ERBB2: variants seen among roughly 807,000 people sequenced by gnomAD.
ERBB2 encodes the protein receptor tyrosine-protein kinase erbB-2.
ERBB2 carries 61 observed loss-of-function variants against 149.0 expected under a neutral mutation model. The observed-to-expected ratio is 0.41, with a 90% CI of 0.33 to 0.51. ERBB2 has a LOEUF of 0.51. Among genes scored for constraint, ERBB2 ranks in the 20% least tolerant of loss-of-function variants. ERBB2 has a pLI of 0.25. For missense variants in ERBB2, 1,205 were observed against 1,655.1 expected, an observed-to-expected ratio of 0.73 and a Z score of 4.72; for synonymous variants, 633 against 678.8, an observed-to-expected ratio of 0.93 and a Z score of 1.05.
Position 39,709,462 on chromosome 17 carries a change from G to T in ERBB2, c.574+10G>T. ...AACCGCTCTCGGGCCTGTAAGCCATGCCCCTCCCTGCTGCCTCTTCTCTCA... is the reference window on the plus strand; with the variant it reads ...AACCGCTCTCGGGCCTGTAAGCCATTCCCCTCCCTGCTGCCTCTTCTCTCA... On this transcript the variant is annotated intron_variant, in intron 4 of 26. Coordinates refer to ENST00000269571, the MANE Select transcript of ERBB2 (RefSeq NM_004448.4). The T allele has an allele frequency of 6.2e-7, 1 of 1,613,862 alleles. No homozygotes were observed. The highest frequency in any genetic ancestry group is 8.5e-7 in the Non-Finnish European group (1 of 1,179,944).
Position 39,723,344 on chromosome 17 carries a change from G to A in ERBB2, c.1972G>A (p.Val658Met), listed in dbSNP as rs2059553044. The A allele has an allele frequency of 6.2e-7, 1 of 1,614,144 alleles. No homozygotes were observed. Among genetic ancestry groups the A allele is most frequent in the Non-Finnish European group, 8.5e-7 (1 of 1,180,032 alleles). The change falls in exon 17 of 27, where the codon GTG (valine) becomes ATG (methionine). Residue 658 changes from valine (V) to methionine (M), a missense_variant. Val to Met is a conservative substitution (Grantham distance 21). Around this residue, in one of 6 missense-constraint regions of ERBB2, gnomAD observed 569 missense variants for 803.5 expected, o/e 0.71. Coordinates refer to ENST00000269571, the MANE Select transcript of ERBB2 (RefSeq NM_004448.4). The surrounding 1 kb of genome is among the most constrained non-coding windows in gnomAD (Gnocchi z 6.2). ...CCCTCTGACGTCCATCATCTCTGCG[G>A]TGGTTGGCATTCTGCTGGTCGTGGT... The part of the protein sequence containing the change: ...ASPLTSIISA[V>M]VGILLVVVLG...
chr17:39,723,292 A>G lies in ERBB2; in HGVS notation c.1947-27A>G. ...CCCTCCCACCCCAAACTAGCCCTCA[A>G]TCCCTGACCCTGGCTTCCGCCCCCA... On this transcript the variant is annotated intron_variant, in intron 16 of 26. Coordinates refer to ENST00000269571, the MANE Select transcript of ERBB2 (RefSeq NM_004448.4). The surrounding 1 kb of genome is among the most constrained non-coding windows in gnomAD (Gnocchi z 6.2). 2.5e-6 allele frequency: 4 copies of G among 1,611,886 alleles called. No individual in the cohort carries two copies. Among genetic ancestry groups the G allele is most frequent in the East Asian group, 2.2e-5 (1 of 44,808 alleles).
rs113330978 is a variant in ERBB2 at position 39,710,338 on chromosome 17, A to C, written c.760-2A>C. 1 of 1,614,074 alleles carries C rather than the reference A, an allele frequency of 6.2e-7. No homozygotes were observed. Among genetic ancestry groups the C allele is most frequent in the Non-Finnish European group, 8.5e-7 (1 of 1,180,008 alleles). ...GTGAAAGCCAGCCACCTGTCCCCCC[A>C]GGCCTGCCTCCACTTCAACCACAGT... On this transcript the variant is annotated splice_acceptor_variant, in intron 6 of 26. Transcript: ENST00000269571. LOFTEE classifies it high-confidence loss of function.
At chr17:39,714,088 C>G (rs2058975827) in intron 9 of ERBB2, among the ~76,000 whole-genome samples, 1 of 150,202 alleles carries the variant, frequency 6.7e-6, no homozygotes, top group Admixed American at 6.6e-5. Context: ...AATTCCCTTT[C>G]ACACTTCCTT....
At chr17:39,710,301 C>G (rs1276037451) in intron 6 of ERBB2, 39 bp from the exon 7 acceptor site, 1 of 1,613,614 alleles carries the variant, frequency 6.2e-7, no homozygotes, top group Admixed American at 1.7e-5. Context: ...CACACCAGGG[C>G]AAAACAGCAC....
intron 1 of ERBB2, among the ~76,000 whole-genome samples, chr17:39,700,799 T>C (rs1043316935): frequency 1.3e-5 from 2 of 152,048 alleles, no homozygotes; most frequent in African/African-American, 2.4e-5. Context: ...GTTTGGTTGC[T>C]CCTGCTTCTG....
chr17:39,719,828 G>A lies in ERBB2; in HGVS notation c.1940G>A (p.Arg647Lys), dbSNP rs201784472. Residue 647 changes from arginine (R) to lysine (K), a missense_variant, in exon 16 of 27, where the codon AGA (arginine) becomes AAA (lysine). Around this residue, in one of 6 missense-constraint regions of ERBB2, gnomAD observed 569 missense variants for 803.5 expected, o/e 0.71. Transcript: ENST00000269571. ...GACAAGGGCTGCCCCGCCGAGCAGA[G>A]AGCCAGGTTGGCCTGGACCCCAGGA... is the stretch of plus-strand genomic sequence containing the variant. ...LDDKGCPAEQ[R>K]ASPLTSIISA... 5.0e-6 allele frequency: 8 copies of A among 1,614,176 alleles called. No individual in the cohort carries two copies. The Admixed American group carries it at 5.0e-5, about 10-fold the overall frequency.
upstream of ERBB2, among the ~76,000 whole-genome samples, chr17:39,694,226 AATATATATATATAT>A (rs1417710622): frequency 5.4e-3 from 100 of 18,504 alleles, no homozygotes; most frequent in African/African-American, 0.013. Flanking sequence ...AAAAAAAAAA[AATATATATATATAT>A]ATATATATAT....
In ERBB2 at chr17:39,700,269, C is replaced by T. The variant is rs1456994901; in HGVS notation, c.31C>T (p.Leu11Phe). 1 of 1,438,384 alleles carries T rather than the reference C, an allele frequency of 7.0e-7. No homozygotes were observed. Among genetic ancestry groups the T allele is most frequent in the South Asian group, 1.4e-5 (1 of 70,906 alleles). 89.1% of individuals were successfully genotyped at this position (1,438,384 alleles called of 1,614,324 possible). A position where few individuals can be genotyped will look rare whatever the true frequency, so the allele number is the denominator to read the frequency against. ...GCTGGCGGCCTTGTGCCGCTGGGGG[C>T]TCCTCCTCGCCCTCTTGCCCCCCGG... MELAALCRWG[L>F]LLALLPPGAA... Residue 11 changes from leucine to phenylalanine, a missense_variant, in exon 1 of 27, where the codon CTC becomes TTC. This residue lies in a region of ERBB2 where 101 missense variants were observed against 95.1 expected (regional missense o/e 1.06). Coordinates refer to ENST00000269571, the MANE Select transcript of ERBB2 (RefSeq NM_004448.4).
chr17:39,727,065 G>C lies in ERBB2; in HGVS notation c.3159+62G>C, dbSNP rs2143201473. On this transcript the variant is annotated intron_variant, in intron 25 of 26. Coordinates refer to ENST00000269571, the MANE Select transcript of ERBB2 (RefSeq NM_004448.4). The surrounding 1 kb of genome is among the most constrained non-coding windows in gnomAD (Gnocchi z 4.3). ...TACCTCCCCCAACCCCGGTGGACTA[G>C]GGTCCCTTTCTCTGATGTTCCCTCA... is the stretch of plus-strand genomic sequence containing the variant. 6.9e-7 allele frequency: 1 copy of C among 1,446,554 alleles called. No homozygotes were observed. Among genetic ancestry groups the C allele is most frequent in the Non-Finnish European group, 9.3e-7 (1 of 1,073,446 alleles). 89.6% of individuals were successfully genotyped at this position (1,446,554 alleles called of 1,614,324 possible).
upstream of ERBB2, chr17:39,696,674 T>C (rs1200748514): frequency 6.6e-6 from 1 of 152,148 alleles, no homozygotes; most frequent in Non-Finnish European, 1.5e-5. Flanking sequence ...TTCTGCAAAA[T>C]GGGGAATGAT....
chr17:39,696,038 C>T (rs976729979), upstream of ERBB2, among the ~76,000 whole-genome samples: 3 of 152,170 alleles, frequency 2.0e-5, no homozygotes, highest in African/African-American at 7.2e-5. Context: ...CCCCTCTCAC[C>T]AGCACCCCTT....
intron 1 of ERBB2, among the ~76,000 whole-genome samples, chr17:39,701,386 C>T: frequency 6.6e-6 from 1 of 152,002 alleles, no homozygotes; most frequent in Non-Finnish European, 1.5e-5. Context: ...AGATGGGACC[C>T]CAGGCAGTGC....
intron 15 of ERBB2, among the ~76,000 whole-genome samples, chr17:39,719,116 C>G (rs951968307): frequency 6.6e-6 from 1 of 152,072 alleles, no homozygotes; most frequent in Non-Finnish European, 1.5e-5. Flanking sequence ...CAAAAATTAG[C>G]CAGGCGTGGT....
At chr17:39,704,290 C>T (rs1048501226) in intron 1 of ERBB2, among the ~76,000 whole-genome samples, 4 of 152,068 alleles carry the variant, frequency 2.6e-5, no homozygotes, top group East Asian at 3.9e-4. Flanking sequence ...AGGAAATCAA[C>T]GGGGACCAGG....
rs2143195958 is a variant in ERBB2, at chr17:39,727,037, G to A, written c.3159+34G>A. The stretch of plus-strand genomic sequence containing the variant: ...CCTCGGTCACACTGTGTGGCTGTCT[G>A]CTTACCTCCCCCAACCCCGGTGGAC... On this transcript the variant is annotated intron_variant, in intron 25 of 26. Transcript: ENST00000269571. This position sits in a 1 kb window ranked among gnomAD's most constrained non-coding sequence, Gnocchi z 4.3. 2.0e-6 allele frequency: 3 copies of A among 1,533,218 alleles called. No homozygotes were observed. Among genetic ancestry groups the A allele is most frequent in the Non-Finnish European group, 2.6e-6 (3 of 1,140,234 alleles). 95.0% of individuals were successfully genotyped at this position (1,533,218 alleles called of 1,614,324 possible).
chr17:39,711,860 C>A, intron 7 of ERBB2, 68 bp from the exon 8 acceptor site: 1 of 1,598,694 alleles, frequency 6.3e-7, no homozygotes, highest in Non-Finnish European at 8.6e-7. Flanking sequence ...TGCCTGGGCA[C>A]GGTAATGCTG....
At chr17:39,724,363 G>A (rs1286562060) in intron 19 of ERBB2, among the ~76,000 whole-genome samples, 1 of 148,444 alleles carries the variant, frequency 6.7e-6, no homozygotes, top group Non-Finnish European at 1.5e-5. Flanking sequence ...AGGTTAAAGC[G>A]ATTCTTCTCC....
At position 39,723,796 on chromosome 17, in the gene ERBB2, G is replaced by GC; in HGVS notation, c.2209-115dup. The GC allele has an allele frequency of 6.7e-7, 1 of 1,483,806 alleles. No individual in the cohort carries two copies. Among genetic ancestry groups the GC allele is most frequent in the Non-Finnish European group, 9.2e-7 (1 of 1,085,092 alleles). The allele number at this position is 1,483,806 out of a possible 1,614,324, so 91.9% of individuals were successfully genotyped here. On this transcript the variant is annotated intron_variant, in intron 18 of 26. Transcript: ENST00000269571. This position sits in a 1 kb window ranked among gnomAD's most constrained non-coding sequence, Gnocchi z 6.2. ...GAGGGCAGTTACAGCGGAGAAGGGA[G>GC]CGGGGCCAAGCCCTAGGGTGGTGAA...
Sources: gnomAD v4.1 joint callset for allele counts (sites outside exome capture counted in the v4.1 genomes callset) on GRCh38, gnomAD v4.1.1 for gene constraint, gnomAD v4.1.1 regional missense constraint, Gnocchi (gnomAD v3.1) non-coding constraint, MANE v1.5 for transcripts, NCBI Gene and HGNC (gene_info 2026-07-23, HGNC 2026-07-21) for gene names.